Variants in ST18 observed in about 807,000 individuals in gnomAD.
ST18 encodes the protein suppression of tumorigenicity 18 protein.
In ST18, 50 loss-of-function variants were observed where a neutral mutation model predicts 110.0. The ratio of observed to expected loss-of-function variants is 0.45; its 90% confidence interval spans 0.36 to 0.58. The LOEUF (loss-of-function observed/expected upper bound fraction) is 0.58, where lower values mean the gene tolerates loss of function less well. Among genes scored for constraint, ST18 ranks in the 20% least tolerant of loss-of-function variants. The pLI is 0.00. For missense variants in ST18, 1,306 were observed against 1,280.1 expected (o/e 1.02, Z -0.31); for synonymous variants, 461 against 452.4 (o/e 1.02, Z -0.24).
chr8:52,194,220 C>A (rs1361003560), intron 8 of ST18: 1 of 152,200 alleles, frequency 6.6e-6, no homozygotes, highest in African/African-American at 2.4e-5. Flanking sequence ...GAAATTTCCT[C>A]TGAATCGTGA....
intron 17 of ST18, 91 bp from the exon 18 acceptor site, chr8:52,137,574 T>G: frequency 7.7e-7 from 1 of 1,291,826 alleles, no homozygotes. Flanking sequence ...GTAGCTTCTC[T>G]GTGCGAGATA....
intron 16 of ST18, 143 bp downstream of exon 16, chr8:52,149,589 A>G: frequency 8.3e-7 from 1 of 1,207,518 alleles, no homozygotes; most frequent in Non-Finnish European, 1.1e-6. Context: ...ATTAAAAATC[A>G]CCACTTTATC....
intron 8 of ST18, among the ~76,000 whole-genome samples, chr8:52,186,719 G>T (rs925538100): frequency 2.6e-5 from 4 of 152,228 alleles, no homozygotes; most frequent in Non-Finnish European, 4.4e-5. Context: ...TACGCTAGCC[G>T]TGAGGAAAAG....
chr8:52,203,576 G>T (rs1401373909), intron 8 of ST18, among the ~76,000 whole-genome samples: 1 of 152,054 alleles, frequency 6.6e-6, no homozygotes, highest in African/African-American at 2.4e-5. Context: ...AAATTTATGA[G>T]GTGTCAGAAA....
At chr8:52,266,463 T>C (rs1001368176) in intron 2 of ST18, among the ~76,000 whole-genome samples, 1 of 151,842 alleles carries the variant, frequency 6.6e-6, no homozygotes, top group Non-Finnish European at 1.5e-5. Flanking sequence ...GTGGAATCCA[T>C]TGCACACATG....
chr8:52,116,913 G>A (rs2042765870), intron 24 of ST18, among the ~76,000 whole-genome samples: 1 of 152,008 alleles, frequency 6.6e-6, no homozygotes, highest in Non-Finnish European at 1.5e-5. Flanking sequence ...CTCGTGGGTG[G>A]CCTTGTGTTT....
At chr8:52,219,028 C>T (rs772111514) in intron 5 of ST18, among the ~76,000 whole-genome samples, 1 of 152,126 alleles carries the variant, frequency 6.6e-6, no homozygotes. Flanking sequence ...TAGGCCCAGA[C>T]CACCAAACAA....
chr8:52,225,105 G>C (rs1416662002), intron 3 of ST18, among the ~76,000 whole-genome samples: 2 of 152,192 alleles, frequency 1.3e-5, no homozygotes, highest in Non-Finnish European at 2.9e-5. Context: ...AGGCATAACA[G>C]TATTTGTATT....
intron 8 of ST18, chr8:52,206,410 G>T (rs1418005614): frequency 2.0e-5 from 3 of 152,114 alleles, no homozygotes; most frequent in African/African-American, 7.2e-5. Flanking sequence ...TATTCTTATT[G>T]AAAGCTTCCC....
intron 8 of ST18, among the ~76,000 whole-genome samples, chr8:52,183,631 G>T (rs2070795542): frequency 6.6e-6 from 1 of 152,096 alleles, no homozygotes; most frequent in Non-Finnish European, 1.5e-5. Flanking sequence ...TATATCACAG[G>T]TTTTGTGGAT....
chr8:52,372,489 A>G (rs1006834404), intron 2 of ST18, among the ~76,000 whole-genome samples: 1 of 152,246 alleles, frequency 6.6e-6, no homozygotes, highest in Non-Finnish European at 1.5e-5. Flanking sequence ...GTGCACAGGA[A>G]TGTGCTAGGC....
At chr8:52,280,707 C>T (rs2095359865) in intron 2 of ST18, among the ~76,000 whole-genome samples, 1 of 151,966 alleles carries the variant, frequency 6.6e-6, no homozygotes, top group Non-Finnish European at 1.5e-5. Context: ...TGTAAGCATC[C>T]ATTACCACAG....
chr8:52,372,692 A>C (rs755368267), intron 2 of ST18, among the ~76,000 whole-genome samples: 1 of 152,244 alleles, frequency 6.6e-6, no homozygotes, highest in African/African-American at 2.4e-5. Context: ...CATGCTGTAC[A>C]TGTACAGGTT....
chr8:52,333,435 A>G (rs1810554340), intron 2 of ST18, among the ~76,000 whole-genome samples: 1 of 152,206 alleles, frequency 6.6e-6, no homozygotes, highest in South Asian at 2.1e-4. Context: ...CTTACCTAGC[A>G]AGCCAGTGGG....
chr8:52,340,724 A>G (rs1814559736), intron 2 of ST18, among the ~76,000 whole-genome samples: 1 of 152,004 alleles, frequency 6.6e-6, no homozygotes, highest in Non-Finnish European at 1.5e-5. Flanking sequence ...CTTAAGACAC[A>G]CTCTAGTGCT....
chr8:52,205,926 G>A (rs965893875), intron 8 of ST18, among the ~76,000 whole-genome samples: 1 of 152,272 alleles, frequency 6.6e-6, no homozygotes, highest in South Asian at 2.1e-4. Flanking sequence ...GGGTTTGTCT[G>A]AAGGTTAGGA....
intron 2 of ST18, among the ~76,000 whole-genome samples, chr8:52,369,009 G>C (rs1465878502): frequency 1.3e-5 from 2 of 152,056 alleles, no homozygotes; most frequent in African/African-American, 4.8e-5. Context: ...CAGAAAGTCA[G>C]TCCTTCGCTT....
At chr8:52,383,065 C>T (rs1042904611) in intron 2 of ST18, among the ~76,000 whole-genome samples, 1 of 152,162 alleles carries the variant, frequency 6.6e-6, no homozygotes, top group African/African-American at 2.4e-5. Flanking sequence ...TTCTTCTCTA[C>T]TACTTTTCCT....
At chr8:52,407,995 G>A (rs1013629769) in intron 2 of ST18, 1 of 151,970 alleles carries the variant, frequency 6.6e-6, no homozygotes, top group African/African-American at 2.4e-5. Flanking sequence ...TTTTAATTTG[G>A]AATTTTTTAT....
Sources: allele counts gnomAD v4.1 joint callset (sites outside exome capture counted in the v4.1 genomes callset), GRCh38; gene constraint gnomAD v4.1.1; transcripts MANE v1.5; gene names NCBI Gene and HGNC (gene_info 2026-07-23, HGNC 2026-07-21).